The following UBAP2L variants were observed in gnomAD, a reference collection of about 807,000 sequenced individuals.
UBAP2L encodes the protein ubiquitin-associated protein 2-like.
UBAP2L carries 12 observed loss-of-function variants against 130.6 expected under a neutral mutation model. The observed-to-expected ratio is 0.09, with a 90% CI of 0.06 to 0.15. The LOEUF is 0.15. Among genes scored for constraint, UBAP2L ranks in the 10% least tolerant of loss-of-function variants. The pLI is 1.00. For synonymous variants in UBAP2L, 503 were observed against 524.7 expected, an observed-to-expected ratio of 0.96 and a Z score of 0.57; for missense variants, 965 against 1,332.5, an observed-to-expected ratio of 0.72 and a Z score of 4.29.
intron 24 of UBAP2L, among the ~76,000 whole-genome samples, chr1:154,264,737 A>G (rs1290055070): frequency 6.6e-6 from 1 of 152,138 alleles, no homozygotes; most frequent in East Asian, 1.9e-4. Flanking sequence ...GTGACCAACT[A>G]TGCTATTTTT....
At position 154,255,688 on chromosome 1, in the gene UBAP2L, T is replaced by C. The variant is rs1226009405; in HGVS notation, c.2090T>C (p.Leu697Ser). Residue 697 changes from leucine (L) to serine (S), a missense_variant, in exon 18 of 27, where the codon TTA becomes TCA. Around this residue, in one of 9 missense-constraint regions of UBAP2L, gnomAD observed 393 missense variants for 408.1 expected, o/e 0.96. Coordinates refer to ENST00000428931, the MANE Select transcript of UBAP2L (RefSeq NM_014847.4). ...NTTTTQHSST[L>S]STQQNTLSSS... is the part of the protein sequence containing the mutation. ...AGCCTCTTTTTTTCTGACAGCACGT[T>C]ATCTACGCAGCAGAATACCCTTTCA... 1 of 1,614,082 alleles carries C rather than the reference T, an allele frequency of 6.2e-7. No homozygotes were observed. Among genetic ancestry groups the C allele is most frequent in the Non-Finnish European group, 8.5e-7 (1 of 1,180,050 alleles).
In UBAP2L at chr1:154,270,694, C is replaced by T; in HGVS notation, c.*399C>T. 1 of 1,404,750 alleles carries T rather than the reference C, an allele frequency of 7.1e-7. No homozygotes were observed. The highest frequency in any genetic ancestry group is 1.6e-5 in the South Asian group (1 of 60,986). 87.0% of individuals were successfully genotyped at this position (1,404,750 alleles called of 1,614,324 possible). On this transcript the variant is annotated 3_prime_UTR_variant, in exon 27 of 27. Coordinates refer to ENST00000428931, the MANE Select transcript of UBAP2L (RefSeq NM_014847.4). ...TTCTTTATTATTAGGAAAACAACAACAACAACAAACAAAAAAATGGCGTCA... is the reference window on the plus strand; with the variant it reads ...TTCTTTATTATTAGGAAAACAACAATAACAACAAACAAAAAAATGGCGTCA...
intron 20 of UBAP2L, chr1:154,257,781 C>G: frequency 3.2e-6 from 1 of 310,656 alleles, no homozygotes; most frequent in Non-Finnish European, 6.1e-6. Context: ...CTGAGGCCAA[C>G]CCATCTATTG....
intron 24 of UBAP2L, among the ~76,000 whole-genome samples, chr1:154,262,615 G>A (rs926797647): frequency 3.9e-5 from 6 of 152,128 alleles, no homozygotes; most frequent in African/African-American, 1.4e-4. Context: ...GGCTCTGGGT[G>A]GGTCAGTTGC....
At chr1:154,221,785 C>T (rs903474897) in intron 1 of UBAP2L, among the ~76,000 whole-genome samples, 2 of 152,216 alleles carry the variant, frequency 1.3e-5, no homozygotes, top group Non-Finnish European at 2.9e-5. Flanking sequence ...TCTTTAGCTT[C>T]CTGTTTATAC....
intron 4 of UBAP2L, among the ~76,000 whole-genome samples, chr1:154,230,645 C>G (rs1015986539): frequency 6.6e-6 from 1 of 152,088 alleles, no homozygotes; most frequent in African/African-American, 2.4e-5. Flanking sequence ...TTTATCTTAC[C>G]TTCCAGCATC....
At chr1:154,239,776 A>G (rs1472299841) in intron 8 of UBAP2L, among the ~76,000 whole-genome samples, 1 of 152,216 alleles carries the variant, frequency 6.6e-6, no homozygotes, top group African/African-American at 2.4e-5. Flanking sequence ...TGCTAATGCA[A>G]CTTGGATTCC....
intron 11 of UBAP2L, among the ~76,000 whole-genome samples, chr1:154,247,968 A>ATTTTTTTT (rs201114755): frequency 6.8e-6 from 1 of 147,352 alleles, no homozygotes. Flanking sequence ...TTTTTTATTT[A>ATTTTTTTT]TTTTTTATTT....
At chr1:154,241,771 C>T in intron 9 of UBAP2L, 1 of 985,336 alleles carries the variant, frequency 1.0e-6, no homozygotes, top group Non-Finnish European at 1.2e-6. Flanking sequence ...TGTGGAACCA[C>T]ACTATGGAAA....
chr1:154,261,557 C>A, intron 23 of UBAP2L, 35 bp from the exon 24 acceptor site: 1 of 1,600,324 alleles, frequency 6.2e-7, no homozygotes, highest in South Asian at 1.1e-5. Context: ...ATTCTGCTGC[C>A]AAGTCACTGC....
At chr1:154,243,970 T>C (rs754793177) in intron 10 of UBAP2L, among the ~76,000 whole-genome samples, 13 of 152,206 alleles carry the variant, frequency 8.5e-5, no homozygotes, top group Non-Finnish European at 1.3e-4. Flanking sequence ...TCTGAATCTT[T>C]TAGAACTGTT....
At chr1:154,264,411 ACT>A (rs1036555154) in intron 24 of UBAP2L, among the ~76,000 whole-genome samples, 2 of 152,006 alleles carry the variant, frequency 1.3e-5, no homozygotes, top group Non-Finnish European at 2.9e-5. Context: ...AAGCAAGAGA[ACT>A]CTGTAGTCTG....
Position 154,266,767 on chromosome 1 carries a change from G to A in UBAP2L, c.2970+199G>A, listed in dbSNP as rs557643971. 2.0e-5 allele frequency among the ~76,000 whole-genome samples: 3 copies of A among 152,206 alleles called. No homozygotes were observed. In the East Asian group the frequency reaches 5.8e-4, roughly 29 times the overall value. ...AATTTAGCCCTCTGAGAAAAAAAAC[G>A]AGAAACGTAATAGGAAGGTAAAGCG... On this transcript the variant is annotated intron_variant, in intron 25 of 26. Coordinates refer to ENST00000428931, the MANE Select transcript of UBAP2L (RefSeq NM_014847.4).
rs1239682112 is a variant in UBAP2L, at chr1:154,227,371, A to G, written c.168+12A>G. 2 of 1,604,350 alleles carry G rather than the reference A, an allele frequency of 1.2e-6. No homozygotes were observed. Among genetic ancestry groups the G allele is most frequent in the Non-Finnish European group, 1.7e-6 (2 of 1,171,674 alleles). On this transcript the variant is annotated intron_variant, in intron 3 of 26. Coordinates refer to ENST00000428931, the MANE Select transcript of UBAP2L (RefSeq NM_014847.4). ...AGAAGGTGAAACAAGTGAGTGTATC[A>G]CTAATTTACTGTACACTATGAGAAA... is the stretch of plus-strand genomic sequence containing the variant.
chr1:154,270,598 C>A lies in UBAP2L; in HGVS notation c.*303C>A. 7.1e-7 allele frequency: 1 copy of A among 1,417,600 alleles called. No individual in the cohort carries two copies. Among genetic ancestry groups the A allele is most frequent in the Non-Finnish European group, 9.2e-7 (1 of 1,090,934 alleles). The allele number at this position is 1,417,600 out of a possible 1,614,324, so 87.8% of individuals were successfully genotyped here. A position where few individuals can be genotyped will look rare whatever the true frequency, so the allele number is the denominator to read the frequency against. ...CTTCCTTTGCTTCCTCCTGTTCACC[C>A]TGGTGGTGTACGGATGAGGCGGGGA... On this transcript the variant is annotated 3_prime_UTR_variant, in exon 27 of 27. Coordinates refer to ENST00000428931, the MANE Select transcript of UBAP2L (RefSeq NM_014847.4).
intron 24 of UBAP2L, chr1:154,263,160 C>T: frequency 8.4e-6 from 13 of 1,551,960 alleles, no homozygotes; most frequent in Non-Finnish European, 1.1e-5. Flanking sequence ...TAATTTGGCC[C>T]AAGGCTGGGG....
intron 24 of UBAP2L, 146 bp downstream of exon 24, chr1:154,261,843 G>C (rs1052574377): frequency 1.2e-5 from 9 of 732,826 alleles, no homozygotes; most frequent in Non-Finnish European, 1.8e-5. Context: ...GGCTGACTTG[G>C]GTATCTGTGG....
intron 4 of UBAP2L, among the ~76,000 whole-genome samples, chr1:154,229,483 T>C (rs1669097012): frequency 6.6e-6 from 1 of 152,032 alleles, no homozygotes; most frequent in Non-Finnish European, 1.5e-5. Flanking sequence ...ATTATTATTA[T>C]TATTATTTTG....
chr1:154,252,364 T>G (rs1250823254), intron 14 of UBAP2L, among the ~76,000 whole-genome samples: 1 of 149,406 alleles, frequency 6.7e-6, no homozygotes, highest in African/African-American at 2.5e-5. Flanking sequence ...CACTGTAACC[T>G]CTGCCTCCCA....
Sources: gnomAD v4.1 joint callset for allele counts (sites outside exome capture counted in the v4.1 genomes callset) on GRCh38, gnomAD v4.1.1 for gene constraint, gnomAD v4.1.1 regional missense constraint, MANE v1.5 for transcripts, NCBI Gene and HGNC (gene_info 2026-07-23, HGNC 2026-07-21) for gene names.